TSPAN18: variants seen among roughly 807,000 people sequenced by gnomAD.
The protein encoded by TSPAN18 is tetraspanin 18.
Under a neutral mutation model 27.3 loss-of-function variants are expected in TSPAN18, and 14 were observed. The ratio of observed to expected loss-of-function variants is 0.51; its 90% CI spans 0.34 to 0.80. The LOEUF (loss-of-function observed/expected upper bound fraction) is 0.80. Among genes scored for constraint, TSPAN18 ranks in the 30% least tolerant of loss-of-function variants. The pLI, the probability that TSPAN18 is intolerant of heterozygous loss-of-function variation, is 0.01. For synonymous variants in TSPAN18, 143 were observed against 136.5 expected, an observed-to-expected ratio of 1.05 and a Z score of -0.33; for missense variants, 268 against 323.9, an observed-to-expected ratio of 0.83 and a Z score of 1.32.
chr11:44,926,268 G>A (rs1860349801), intron 8 of TSPAN18: 1 of 179,840 alleles, frequency 5.6e-6, no homozygotes, highest in African/African-American at 2.4e-5. Context: ...GATCCCCAGG[G>A]ACCACCTGTT....
At chr11:44,892,481 T>C (rs1858887104) in intron 3 of TSPAN18, among the ~76,000 whole-genome samples, 1 of 152,222 alleles carries the variant, frequency 6.6e-6, no homozygotes, top group Non-Finnish European at 1.5e-5. Flanking sequence ...TCAAACTGCG[T>C]GGGTTTCCCA....
chr11:44,873,002 A>C (rs765398833), intron 3 of TSPAN18, among the ~76,000 whole-genome samples: 3 of 152,142 alleles, frequency 2.0e-5, no homozygotes, highest in Non-Finnish European at 4.4e-5. Context: ...TGTGGCACCT[A>C]GCCAGGCCTG....
At chr11:44,929,033 G>C in intron 9 of TSPAN18, 98 bp from the exon 10 acceptor site, 1 of 1,461,960 alleles carries the variant, frequency 6.8e-7, no homozygotes, top group South Asian at 1.1e-5. Flanking sequence ...TGTGCTAAGA[G>C]TGACAGGCAT....
intron 1 of TSPAN18, among the ~76,000 whole-genome samples, chr11:44,742,601 GTT>G (rs1179116335): frequency 6.6e-6 from 1 of 152,158 alleles, no homozygotes; most frequent in African/African-American, 2.4e-5. Context: ...GACTCCTCTT[GTT>G]CACTTCTCGT....
At chr11:44,773,280 G>C (rs1395460590) in intron 2 of TSPAN18, among the ~76,000 whole-genome samples, 3 of 152,014 alleles carry the variant, frequency 2.0e-5, no homozygotes, top group African/African-American at 7.2e-5. Flanking sequence ...GCCGGGCGTG[G>C]TGGCACATGC....
intron 3 of TSPAN18, among the ~76,000 whole-genome samples, chr11:44,868,925 A>T (rs1448267827): frequency 6.6e-6 from 1 of 152,154 alleles, no homozygotes; most frequent in Admixed American, 6.5e-5. Flanking sequence ...GAGCCAGGTG[A>T]TGCTGGCCCT....
intron 2 of TSPAN18, among the ~76,000 whole-genome samples, chr11:44,766,400 A>G (rs1383452956): frequency 6.6e-6 from 1 of 152,216 alleles, no homozygotes; most frequent in African/African-American, 2.4e-5. Flanking sequence ...TCCTGGCAGC[A>G]GCTGCCCTGA....
chr11:44,838,644 A>T (rs147361529), intron 2 of TSPAN18, among the ~76,000 whole-genome samples: 1 of 152,298 alleles, frequency 6.6e-6, no homozygotes, highest in East Asian at 1.9e-4. Context: ...CCACCTGTGA[A>T]AGACTGGACT....
In TSPAN18 at chr11:44,930,807, G is replaced by A; in HGVS notation, c.*1629G>A. 1 of 477,856 alleles carries A rather than the reference G, an allele frequency of 2.1e-6. No individual in the cohort carries two copies. Among genetic ancestry groups the A allele is most frequent in the South Asian group, 1.5e-5 (1 of 64,976 alleles). 29.6% of individuals were successfully genotyped at this position (477,856 alleles called of 1,614,324 possible). A position where few individuals can be genotyped will look rare whatever the true frequency, so the allele number is the denominator to read the frequency against. ...ATTAGTGATGTCTGCCACGGGCAGG[G>A]ATGGAAGGAGCAGTGTGATGTCTGC... is the stretch of plus-strand genomic sequence containing the variant. On this transcript the variant is annotated 3_prime_UTR_variant, in exon 10 of 10. Transcript: ENST00000520358.
At chr11:44,879,957 C>G (rs1259419797) in intron 3 of TSPAN18, among the ~76,000 whole-genome samples, 2 of 152,254 alleles carry the variant, frequency 1.3e-5, no homozygotes, top group Non-Finnish European at 2.9e-5. Flanking sequence ...TCTCCCAGCT[C>G]TCTCTCCTCC....
chr11:44,774,254 G>C (rs562505874), intron 2 of TSPAN18, among the ~76,000 whole-genome samples: 27 of 152,326 alleles, frequency 1.8e-4, no homozygotes, highest in African/African-American at 6.5e-4. Flanking sequence ...AGGCAGGCAG[G>C]CATGTCCCAC....
chr11:44,823,718 G>A (rs949661251), intron 2 of TSPAN18, among the ~76,000 whole-genome samples: 1 of 152,160 alleles, frequency 6.6e-6, no homozygotes, highest in Non-Finnish European at 1.5e-5. Context: ...CCGGGGACCT[G>A]CCCCTATTTG....
intron 3 of TSPAN18, among the ~76,000 whole-genome samples, chr11:44,871,648 C>T (rs186882397): frequency 7.2e-5 from 11 of 152,332 alleles, no homozygotes; most frequent in African/African-American, 2.6e-4. Context: ...CCTCTTCATA[C>T]CACCAGCCTT....
chr11:44,865,312 C>T (rs533781446), intron 3 of TSPAN18, among the ~76,000 whole-genome samples: 1 of 152,220 alleles, frequency 6.6e-6, no homozygotes, highest in South Asian at 2.1e-4. Flanking sequence ...GCACTAATGG[C>T]ATCATAGGGC....
intron 3 of TSPAN18, among the ~76,000 whole-genome samples, chr11:44,885,130 C>G (rs1326249566): frequency 6.6e-6 from 1 of 152,082 alleles, no homozygotes; most frequent in Non-Finnish European, 1.5e-5. Flanking sequence ...TTATATGGCC[C>G]CTTATGGAAA....
intron 2 of TSPAN18, among the ~76,000 whole-genome samples, chr11:44,821,715 C>T (rs1360435015): frequency 6.6e-6 from 1 of 152,176 alleles, no homozygotes; most frequent in Non-Finnish European, 1.5e-5. Flanking sequence ...TCTTCACCTC[C>T]TCTTCCTCTT....
At chr11:44,840,122 C>G (rs1377286462) in intron 2 of TSPAN18, among the ~76,000 whole-genome samples, 1 of 152,194 alleles carries the variant, frequency 6.6e-6, no homozygotes, top group Non-Finnish European at 1.5e-5. Flanking sequence ...ACTCCTGAGG[C>G]CAGGGAACCT....
chr11:44,790,378 C>T lies in TSPAN18; in HGVS notation c.-153+25866C>T, dbSNP rs11038146. ...GTGTGGGTGCGTGCATGTTTGTGTG[C>T]GTGTGTGTGCATGTGCTCTTGCTTG... is the stretch of plus-strand genomic sequence containing the variant. On this transcript the variant is annotated intron_variant, in intron 2 of 9. Transcript: ENST00000520358. Among the ~76,000 whole-genome samples the T allele has an allele frequency of 3.9e-4, 50 of 129,706 alleles. No homozygotes were observed. In the South Asian group the frequency reaches 6.2e-3, roughly 16 times the overall value. 85.1% of individuals were successfully genotyped at this position (129,706 alleles called of 152,430 possible).
At chr11:44,821,986 G>C (rs921199622) in intron 2 of TSPAN18, among the ~76,000 whole-genome samples, 2 of 152,144 alleles carry the variant, frequency 1.3e-5, no homozygotes, top group Non-Finnish European at 2.9e-5. Flanking sequence ...AGGATGGCTG[G>C]GGGTGAAGGC....
Sources: allele counts gnomAD v4.1 joint callset (sites outside exome capture counted in the v4.1 genomes callset), GRCh38; gene constraint gnomAD v4.1.1; transcripts MANE v1.5; gene names NCBI Gene and HGNC (gene_info 2026-07-23, HGNC 2026-07-21).